ZFTRAF1: variants seen among roughly 807,000 people sequenced by gnomAD.
The protein encoded by ZFTRAF1 is zinc finger TRAF-type and ring finger containing 1, also known as zinc finger TRAF-type-containing protein 1.
the ZFTRAF1 span, among the ~76,000 whole-genome samples, chr8:144,459,673 G>A: frequency 6.6e-6 from 1 of 152,228 alleles, no homozygotes; most frequent in Non-Finnish European, 1.5e-5. Flanking sequence ...TGAGGACCCA[G>A]CCAATTCCAG....
At chr8:144,456,461 G>C in the ZFTRAF1 span, 1 of 152,452 alleles carries the variant, frequency 6.6e-6, no homozygotes, top group African/African-American at 2.4e-5. Flanking sequence ...GGAGGGCGCC[G>C]CACAGTCCAG....
the ZFTRAF1 span, chr8:144,462,197 C>T: frequency 7.0e-4 from 317 of 453,012 alleles, 2 homozygotes; most frequent in Non-Finnish European, 1.1e-3. Flanking sequence ...GCAGGCCTGG[C>T]CTCCGAGGAG....
At chr8:144,452,703 C>A in the ZFTRAF1 span, 1 of 800,140 alleles carries the variant, frequency 1.2e-6, no homozygotes, top group South Asian at 1.7e-5. Flanking sequence ...GCCCACCCCC[C>A]AGGATGAGGT....
chr8:144,453,755 C>A, the ZFTRAF1 span: 1 of 340,896 alleles, frequency 2.9e-6, no homozygotes, highest in Non-Finnish European at 5.5e-6. Context: ...CACCTGGGGC[C>A]GAGGGTCACG....
At chr8:144,452,771 AG>A in the ZFTRAF1 span, among the ~76,000 whole-genome samples, 1 of 152,360 alleles carries the variant, frequency 6.6e-6, no homozygotes, top group South Asian at 2.1e-4. Context: ...AGAGAGGGGA[AG>A]GAAGAGTGCA....
chr8:144,449,815 G>C, the ZFTRAF1 span: 1 of 161,592 alleles, frequency 6.2e-6, no homozygotes, highest in Non-Finnish European at 1.4e-5. Flanking sequence ...GTCTTTCCTC[G>C]GGGGACGTGT....
chr8:144,462,370 C>A, the ZFTRAF1 span: 1 of 405,462 alleles, frequency 2.5e-6, no homozygotes, highest in South Asian at 4.1e-5. Flanking sequence ...CGCTGCCGGC[C>A]GCCGCCGCCG....
At chr8:144,453,478 G>GAGA in the ZFTRAF1 span, 1 of 1,540,848 alleles carries the variant, frequency 6.5e-7, no homozygotes, top group Non-Finnish European at 8.8e-7. Flanking sequence ...GAAGGAAAGG[G>GAGA]AGACGAAGCT....
chr8:144,459,891 T>G, the ZFTRAF1 span, among the ~76,000 whole-genome samples: 1 of 152,222 alleles, frequency 6.6e-6, no homozygotes, highest in Non-Finnish European at 1.5e-5. Flanking sequence ...TTCCTGACAC[T>G]GGCTGGCTCG....
the ZFTRAF1 span, among the ~76,000 whole-genome samples, chr8:144,459,103 G>A: frequency 1.3e-5 from 2 of 152,256 alleles, no homozygotes; most frequent in Non-Finnish European, 2.9e-5. Context: ...AAAATGGAGG[G>A]AGAGAAGTCA....
At chr8:144,453,801 C>A in the ZFTRAF1 span, 6 of 260,034 alleles carry the variant, frequency 2.3e-5, no homozygotes, top group Admixed American at 2.8e-4. Context: ...CCCTGACCCC[C>A]CTACAGGTCC....
the ZFTRAF1 span, among the ~76,000 whole-genome samples, chr8:144,458,849 G>A: frequency 1.3e-5 from 2 of 152,224 alleles, no homozygotes; most frequent in Non-Finnish European, 2.9e-5. Context: ...GGAATGGCAG[G>A]GCACTGTGCA....
the ZFTRAF1 span, among the ~76,000 whole-genome samples, chr8:144,458,706 A>T: frequency 6.6e-6 from 1 of 152,158 alleles, no homozygotes; most frequent in Admixed American, 6.5e-5. Context: ...GAGTGGACAC[A>T]CCCTGGTCAG....
At chr8:144,454,439 C>G in the ZFTRAF1 span, 1 of 152,534 alleles carries the variant, frequency 6.6e-6, no homozygotes. Context: ...TGAGGCATTC[C>G]AGGGCCAGCC....
At chr8:144,450,998 G>C in the ZFTRAF1 span, 2 of 550,212 alleles carry the variant, frequency 3.6e-6, no homozygotes, top group Non-Finnish European at 6.5e-6. Flanking sequence ...GGATTAGCTG[G>C]AGAGTCCAGA....
the ZFTRAF1 span, among the ~76,000 whole-genome samples, chr8:144,458,864 C>T: frequency 6.6e-6 from 1 of 152,230 alleles, no homozygotes. Context: ...TGTGCAGGGC[C>T]GAGTTAGAGG....
At chr8:144,452,060 CCACAGTG>C in the ZFTRAF1 span, 2 of 453,064 alleles carry the variant, frequency 4.4e-6, no homozygotes, top group South Asian at 4.0e-5. Context: ...CTCTGGAGCC[CCACAGTG>C]AGATGCCACC....
chr8:144,462,386 G>C, the ZFTRAF1 span: 1 of 427,106 alleles, frequency 2.3e-6, no homozygotes, highest in Non-Finnish European at 4.1e-6. Context: ...CGCCGCCGCC[G>C]CCGCCTCGGC....
At chr8:144,450,439 G>A in the ZFTRAF1 span, 1 of 718,134 alleles carries the variant, frequency 1.4e-6, no homozygotes, top group Admixed American at 2.0e-5. Context: ...CCAGCAGCTT[G>A]TTGCACTCCA....
Sources: gnomAD v4.1 joint callset for allele counts (sites outside exome capture counted in the v4.1 genomes callset) on GRCh38, gnomAD v4.1.1 for gene constraint, MANE v1.5 for transcripts, NCBI Gene and HGNC (gene_info 2026-07-23, HGNC 2026-07-21) for gene names.